The following CAMK4 variants were observed in gnomAD, a reference collection of about 807,000 sequenced individuals.
CAMK4 encodes the protein calcium/calmodulin dependent protein kinase IV, also known as calcium/calmodulin-dependent protein kinase type IV.
CAMK4 carries 22 observed loss-of-function variants against 44.9 expected under a neutral mutation model. The ratio of observed to expected loss-of-function variants is 0.49; its 90% confidence interval spans 0.35 to 0.70. The LOEUF is 0.70. Among genes scored for constraint, CAMK4 ranks in the 30% least tolerant of loss-of-function variants. The probability of loss-of-function intolerance (pLI) is 0.01; values close to 1 mark genes in which losing one functional copy is unlikely to be tolerated. For synonymous variants in CAMK4, 218 were observed against 215.4 expected, an observed-to-expected ratio of 1.01 and a Z score of -0.11; for missense variants, 498 against 586.8, an observed-to-expected ratio of 0.85 and a Z score of 1.56.
chr5:111,378,451 A>C (rs907302078), intron 4 of CAMK4, among the ~76,000 whole-genome samples: 3 of 152,128 alleles, frequency 2.0e-5, no homozygotes, highest in African/African-American at 7.2e-5. Context: ...TGTTTTTCAA[A>C]GGTTCTGTCT....
chr5:111,372,861 A>C (rs1159879789), intron 2 of CAMK4, among the ~76,000 whole-genome samples: 1 of 152,044 alleles, frequency 6.6e-6, no homozygotes, highest in Non-Finnish European at 1.5e-5. Context: ...TATCAATTTG[A>C]TGTACAGTCA....
At chr5:111,337,936 TG>T (rs1157912523) in intron 1 of CAMK4, among the ~76,000 whole-genome samples, 5 of 151,098 alleles carry the variant, frequency 3.3e-5, no homozygotes, top group Non-Finnish European at 5.9e-5. Flanking sequence ...CTGTTTTAGT[TG>T]GGTATGAAAA....
intron 1 of CAMK4, among the ~76,000 whole-genome samples, chr5:111,342,001 C>A (rs537815466): frequency 3.6e-4 from 55 of 151,578 alleles, no homozygotes; most frequent in Non-Finnish European, 5.8e-4. Flanking sequence ...TCTATTCTTT[C>A]TTCAACACCG....
At chr5:111,235,167 A>G (rs1044157812) in intron 1 of CAMK4, among the ~76,000 whole-genome samples, 6 of 152,206 alleles carry the variant, frequency 3.9e-5, no homozygotes, top group African/African-American at 1.4e-4. Flanking sequence ...TTAATTTAGT[A>G]AGCAGCTGCC....
At chr5:111,256,642 T>C (rs1172988325) in intron 1 of CAMK4, among the ~76,000 whole-genome samples, 5 of 152,180 alleles carry the variant, frequency 3.3e-5, no homozygotes, top group African/African-American at 1.2e-4. Context: ...ATATCGGTAA[T>C]AAATGCAGTA....
At chr5:111,356,351 TTTG>T (rs1464811647) in intron 2 of CAMK4, among the ~76,000 whole-genome samples, 69 of 151,920 alleles carry the variant, frequency 4.5e-4, no homozygotes, top group Middle Eastern at 3.4e-3. Flanking sequence ...GATGGGGTTG[TTTG>T]TTTTTTTCTT....
intron 2 of CAMK4, among the ~76,000 whole-genome samples, chr5:111,364,033 A>T (rs557531994): frequency 6.6e-6 from 1 of 152,270 alleles, no homozygotes; most frequent in East Asian, 1.9e-4. Flanking sequence ...AAATCAGACC[A>T]GAATGGTGAC....
At chr5:111,419,098 G>T (rs2112912534) in intron 5 of CAMK4, among the ~76,000 whole-genome samples, 1 of 152,234 alleles carries the variant, frequency 6.6e-6, no homozygotes, top group East Asian at 1.9e-4. Context: ...ATCCTCTCCA[G>T]CACCTGTTGT....
Position 111,446,685 on chromosome 5 carries a change from G to T in CAMK4, c.460-1G>T. 6.7e-7 allele frequency: 1 copy of T among 1,503,524 alleles called. No individual in the cohort carries two copies. The highest frequency in any genetic ancestry group is 2.3e-5 in the East Asian group (1 of 44,098). 93.1% of individuals were successfully genotyped at this position (1,503,524 alleles called of 1,614,324 possible). On this transcript the variant is annotated splice_acceptor_variant, in intron 5 of 10. Transcript: ENST00000282356. LOFTEE classifies it high-confidence loss of function. ...GTTATTTCATTATTTTCCCTCTTTA[G>T]TATCTACATGAAAATGGGATTGTCC...
At chr5:111,265,521 T>G (rs1750201983) in intron 1 of CAMK4, among the ~76,000 whole-genome samples, 1 of 152,230 alleles carries the variant, frequency 6.6e-6, no homozygotes, top group South Asian at 2.1e-4. Context: ...ACCTCTAAAA[T>G]TTAGCTTCTC....
At chr5:111,434,032 C>G (rs1344317687) in intron 5 of CAMK4, among the ~76,000 whole-genome samples, 1 of 152,254 alleles carries the variant, frequency 6.6e-6, no homozygotes, top group South Asian at 2.1e-4. Flanking sequence ...CGCGGTGGCT[C>G]ATGCCTGTAA....
At chr5:111,414,397 C>CA (rs1465213066) in intron 5 of CAMK4, among the ~76,000 whole-genome samples, 2 of 152,056 alleles carry the variant, frequency 1.3e-5, no homozygotes, top group African/African-American at 2.4e-5. Context: ...GCAGCAGCAG[C>CA]AGCAGCAACA....
intron 5 of CAMK4, among the ~76,000 whole-genome samples, chr5:111,397,873 C>G (rs1324080145): frequency 6.6e-6 from 1 of 152,066 alleles, no homozygotes; most frequent in Non-Finnish European, 1.5e-5. Context: ...CCTCAGTCTA[C>G]CGCCCTCCTC....
chr5:111,386,052 A>T (rs1421560655), intron 4 of CAMK4, among the ~76,000 whole-genome samples: 4 of 152,178 alleles, frequency 2.6e-5, no homozygotes, highest in Non-Finnish European at 5.9e-5. Flanking sequence ...TTAGTATTTG[A>T]ATGTAACAGG....
At position 111,290,119 on chromosome 5, in the gene CAMK4, G is replaced by C. The variant is rs1191833079; in HGVS notation, c.162-53905G>C. The stretch of plus-strand genomic sequence containing the variant: ...GACCTGTGCATTCAAGGCCTGTCAA[G>C]TATCGTATATATGCCATTGGTTCAA... On this transcript the variant is annotated intron_variant, in intron 1 of 10. Coordinates refer to ENST00000282356, the MANE Select transcript of CAMK4 (RefSeq NM_001744.6). This position sits in a 1 kb window ranked among gnomAD's most constrained non-coding sequence, Gnocchi z 4.5. Among the ~76,000 whole-genome samples, 1 of 152,106 alleles carries C rather than the reference G, an allele frequency of 6.6e-6. No individual in the cohort carries two copies. Among genetic ancestry groups the C allele is most frequent in the African/African-American group, 2.4e-5 (1 of 41,416 alleles).
At chr5:111,422,272 C>A (rs1258280067) in intron 5 of CAMK4, among the ~76,000 whole-genome samples, 1 of 152,156 alleles carries the variant, frequency 6.6e-6, no homozygotes, top group Non-Finnish European at 1.5e-5. Context: ...CTAAGAATGC[C>A]TTCTTTATAC....
At chr5:111,424,887 G>A (rs1419202905) in intron 5 of CAMK4, among the ~76,000 whole-genome samples, 1 of 152,028 alleles carries the variant, frequency 6.6e-6, no homozygotes. Flanking sequence ...ATCCCAGCTG[G>A]GTGTGGTGGC....
rs57131340 is a variant in CAMK4 at position 111,325,379 on chromosome 5, G to A, written c.162-18645G>A. 1.9e-3 allele frequency among the ~76,000 whole-genome samples: 293 copies of A among 152,044 alleles called. 1 individual carries two copies. The highest frequency in any genetic ancestry group is 6.9e-3 in the African/African-American group (286 of 41,478). ...TATAATACTTTAGATATAATACCCC[G>A]TAGTAGGATTGCCGGGTCAAATGGT... is the stretch of plus-strand genomic sequence containing the variant. On this transcript the variant is annotated intron_variant, in intron 1 of 10. Coordinates refer to ENST00000282356, the MANE Select transcript of CAMK4 (RefSeq NM_001744.6).
intron 8 of CAMK4, among the ~76,000 whole-genome samples, chr5:111,477,104 A>G (rs1470765734): frequency 6.6e-6 from 1 of 152,208 alleles, no homozygotes; most frequent in African/African-American, 2.4e-5. Flanking sequence ...TCTCGTTGTC[A>G]GGGTGAGGAC....
Sources: allele counts gnomAD v4.1 joint callset (sites outside exome capture counted in the v4.1 genomes callset), GRCh38; gene constraint gnomAD v4.1.1; non-coding constraint Gnocchi (gnomAD v3.1); transcripts MANE v1.5; gene names NCBI Gene and HGNC (gene_info 2026-07-23, HGNC 2026-07-21).